Variants in MICAL3 observed in about 807,000 individuals in gnomAD.
MICAL3 encodes microtubule associated monooxygenase, calponin and LIM domain containing 3, also known as [F-actin]-monooxygenase MICAL3.
MICAL3 carries 62 observed loss-of-function variants against 207.4 expected under a neutral mutation model. The ratio of observed to expected loss-of-function variants is 0.30; its 90% CI spans 0.24 to 0.37. MICAL3 has a LOEUF of 0.37. Ranked by LOEUF, MICAL3 falls within the 10% of genes least tolerant of loss-of-function variation. MICAL3 has a pLI of 1.00. For synonymous variants in MICAL3, 1,077 were observed against 1,069.3 expected (o/e 1.01, Z -0.14); for missense variants, 2,368 against 2,635.6 (o/e 0.90, Z 2.22).
At chr22:17,958,016 A>T (rs936887399) in intron 1 of MICAL3, among the ~76,000 whole-genome samples, 5 of 152,202 alleles carry the variant, frequency 3.3e-5, no homozygotes, top group African/African-American at 9.7e-5. Flanking sequence ...ATTCCACATT[A>T]CCCATAACTG....
intron 15 of MICAL3, among the ~76,000 whole-genome samples, 167 bp downstream of exon 15, chr22:17,886,988 CAAAAAAAAAAAAAAA>C (rs55999508): frequency 9.7e-5 from 4 of 41,348 alleles, no homozygotes; most frequent in South Asian, 2.6e-3. Context: ...ACTCTTGTCT[CAAAAAAAAAAAAAAA>C]AAAAAAAAAA....
At chr22:18,018,697 G>C (rs1439243932) in intron 1 of MICAL3, among the ~76,000 whole-genome samples, 1 of 151,926 alleles carries the variant, frequency 6.6e-6, no homozygotes, top group Non-Finnish European at 1.5e-5. Flanking sequence ...ACTCCAGCCT[G>C]GGTGACAAAG....
chr22:17,792,797 C>T (rs551931688), intron 29 of MICAL3, among the ~76,000 whole-genome samples: 144 of 152,386 alleles, frequency 9.4e-4, no homozygotes, highest in African/African-American at 3.3e-3. Flanking sequence ...GCCTGTCCAG[C>T]CTGCAACTGT....
chr22:17,837,267 C>T (rs550362410), intron 20 of MICAL3, among the ~76,000 whole-genome samples: 1 of 152,360 alleles, frequency 6.6e-6, no homozygotes, highest in South Asian at 2.1e-4. Context: ...CATGGCCAGC[C>T]CTGAGGGAGC....
chr22:17,808,918 T>A lies in MICAL3; in HGVS notation c.5576A>T (p.Gln1859Leu), dbSNP rs1461499042. Reference sequence around the variant, plus strand: ...CCGCCGCTGCCTCTCCTCCACCTGCTGCAGCTGCCGCTGGATGATCTATGA... The same window carrying A: ...CCGCCGCTGCCTCTCCTCCACCTGCAGCAGCTGCCGCTGGATGATCTATGA... ...HRAQIIQRQL[Q>L]QVEERQRRLE... The change falls in exon 29 of 32, where the codon CAG (glutamine) becomes CTG (leucine). Residue 1859 changes from glutamine (Q) to leucine (L), a missense_variant. Physicochemically the swap from Gln to Leu is moderately radical, Grantham distance 113 (BLOSUM62 -2). Transcript: ENST00000441493. 37 of 1,553,188 alleles carry A rather than the reference T, an allele frequency of 2.4e-5. No individual in the cohort carries two copies. Among genetic ancestry groups the A allele is most frequent in the Non-Finnish European group, 3.1e-5 (36 of 1,148,652 alleles).
At chr22:17,806,608 T>C (rs1200736855) in intron 29 of MICAL3, among the ~76,000 whole-genome samples, 2 of 152,274 alleles carry the variant, frequency 1.3e-5, no homozygotes, top group African/African-American at 2.4e-5. Flanking sequence ...ACTACAGTTC[T>C]TGTGTGTACT....
chr22:17,952,109 C>T (rs1009904731), intron 1 of MICAL3, among the ~76,000 whole-genome samples: 3 of 152,224 alleles, frequency 2.0e-5, no homozygotes, highest in East Asian at 1.9e-4. Context: ...AACGGGACTG[C>T]AGCACTGGCT....
intron 19 of MICAL3, among the ~76,000 whole-genome samples, chr22:17,857,750 G>A (rs1246186265): frequency 6.6e-6 from 1 of 152,268 alleles, no homozygotes; most frequent in African/African-American, 2.4e-5. Context: ...TAGATTCCCT[G>A]TCTGTGGAAG....
chr22:17,826,429 G>A (rs1922197458), intron 22 of MICAL3: 1 of 984,090 alleles, frequency 1.0e-6, no homozygotes, highest in Non-Finnish European at 1.2e-6. Flanking sequence ...GGTGAGTGGG[G>A]AGAGAGTGAA....
At chr22:17,993,731 G>T (rs2896015) in intron 1 of MICAL3, among the ~76,000 whole-genome samples, 16 of 152,094 alleles carry the variant, frequency 1.1e-4, no homozygotes, top group East Asian at 7.7e-4. Context: ...AATATTTCAA[G>T]GAATATGCCA....
At chr22:17,947,923 A>G (rs188288585) in intron 1 of MICAL3, among the ~76,000 whole-genome samples, 80 of 152,270 alleles carry the variant, frequency 5.3e-4, no homozygotes, top group African/African-American at 1.7e-3. Context: ...TCATCCACAC[A>G]TACCGTGTCT....
At chr22:17,831,444 C>G (rs1922797921) in intron 21 of MICAL3, among the ~76,000 whole-genome samples, 1 of 152,230 alleles carries the variant, frequency 6.6e-6, no homozygotes, top group Non-Finnish European at 1.5e-5. Context: ...GGGCACTAAG[C>G]TCATAGCCAC....
intron 1 of MICAL3, among the ~76,000 whole-genome samples, chr22:17,999,539 C>A (rs1159062513): frequency 6.6e-6 from 1 of 152,220 alleles, no homozygotes; most frequent in Non-Finnish European, 1.5e-5. Context: ...TATTGAACAT[C>A]TGCTACGTGC....
intron 1 of MICAL3, among the ~76,000 whole-genome samples, chr22:17,977,432 G>A (rs943978654): frequency 6.6e-6 from 1 of 151,812 alleles, no homozygotes; most frequent in South Asian, 2.1e-4. Context: ...AAAGAAAGAC[G>A]CCAATAAGCA....
At chr22:17,860,234 G>T (rs1336198402) in intron 19 of MICAL3, 1 of 983,612 alleles carries the variant, frequency 1.0e-6, no homozygotes, top group African/African-American at 1.7e-5. Flanking sequence ...ACGACAACTT[G>T]GTTTCACAGT....
intron 19 of MICAL3, among the ~76,000 whole-genome samples, chr22:17,856,027 C>T (rs78994657): frequency 6.4e-4 from 97 of 152,378 alleles, no homozygotes; most frequent in African/African-American, 2.3e-3. Context: ...CAACATGGGG[C>T]CTGCCTCCCT....
chr22:17,906,800 T>C lies in MICAL3; in HGVS notation c.13A>G (p.Lys5Glu). The change falls in exon 2 of 32, where the codon AAG becomes GAG. Residue 5 changes from lysine to glutamate, a missense_variant. Physicochemically the swap from Lys to Glu is moderately conservative, Grantham distance 56. Coordinates refer to ENST00000441493, the MANE Select transcript of MICAL3 (RefSeq NM_015241.3). ...TGAGCTGGGTTCATGGTCTCATGCT[T>C]CCTCTCCTCCATGCTGCCTCACTCT... MEER[K>E]HETMNPAHVL... 6.9e-6 allele frequency: 11 copies of C among 1,605,488 alleles called. No homozygotes were observed. The highest frequency in any genetic ancestry group is 9.4e-6 in the Non-Finnish European group (11 of 1,174,700).
chr22:17,941,737 T>C (rs1472093927), intron 1 of MICAL3, among the ~76,000 whole-genome samples: 1 of 152,230 alleles, frequency 6.6e-6, no homozygotes, highest in Non-Finnish European at 1.5e-5. Flanking sequence ...AGGGTATACA[T>C]AAAGCTCATT....
At chr22:17,946,089 TG>T (rs1934053209) in intron 1 of MICAL3, among the ~76,000 whole-genome samples, 1 of 152,228 alleles carries the variant, frequency 6.6e-6, no homozygotes, top group East Asian at 1.9e-4. Flanking sequence ...CAGGTACAGA[TG>T]ACAAAGCAGG....
Sources: gnomAD v4.1 joint callset for allele counts (sites outside exome capture counted in the v4.1 genomes callset) on GRCh38, gnomAD v4.1.1 for gene constraint, MANE v1.5 for transcripts, NCBI Gene and HGNC (gene_info 2026-07-23, HGNC 2026-07-21) for gene names.